GABRG2: variants seen among roughly 807,000 people sequenced by gnomAD.
The protein encoded by GABRG2 is gamma-aminobutyric acid type A receptor subunit gamma2.
GABRG2 carries 16 observed loss-of-function variants against 56.4 expected under a neutral mutation model. The observed-to-expected ratio is 0.28, with a 90% confidence interval of 0.19 to 0.43. The LOEUF is 0.43. Ranked by LOEUF, GABRG2 falls within the 20% of genes least tolerant of loss-of-function variation. The probability of loss-of-function intolerance (pLI) is 1.00; values close to 1 mark genes in which losing one functional copy is unlikely to be tolerated. For missense variants in GABRG2, 327 were observed against 582.7 expected, an observed-to-expected ratio of 0.56 and a Z score of 4.52; for synonymous variants, 208 against 205.5, an observed-to-expected ratio of 1.01 and a Z score of -0.10.
At chr5:162,105,829 A>ACACC (rs1337102231) in intron 6 of GABRG2, among the ~76,000 whole-genome samples, 2 of 151,156 alleles carry the variant, frequency 1.3e-5, no homozygotes, top group Non-Finnish European at 3.0e-5. Context: ...ACACACACAC[A>ACACC]CACACACACA....
At chr5:162,097,576 C>T in intron 3 of GABRG2, 62 bp from the exon 4 acceptor site, 1 of 1,213,326 alleles carries the variant, frequency 8.2e-7, no homozygotes, top group Non-Finnish European at 1.2e-6. Context: ...TGAAATATAC[C>T]AATATTTAAA....
intron 1 of GABRG2, among the ~76,000 whole-genome samples, chr5:162,074,803 G>T (rs1194662469): frequency 4.6e-5 from 7 of 152,046 alleles, no homozygotes; most frequent in Non-Finnish European, 1.0e-4. Context: ...GCATTATAGA[G>T]AATACAGGCC....
At chr5:162,085,495 G>A (rs1289502326) in intron 1 of GABRG2, among the ~76,000 whole-genome samples, 1 of 149,184 alleles carries the variant, frequency 6.7e-6, no homozygotes, top group African/African-American at 2.5e-5. Flanking sequence ...CATGACTTTA[G>A]GATTTGTTCT....
At chr5:162,077,676 A>G (rs931147864) in intron 1 of GABRG2, among the ~76,000 whole-genome samples, 2 of 152,184 alleles carry the variant, frequency 1.3e-5, no homozygotes, top group African/African-American at 4.8e-5. Context: ...AAAATAAGAA[A>G]CACGTCTTAT....
chr5:162,073,598 T>A (rs950376139), intron 1 of GABRG2, among the ~76,000 whole-genome samples: 1 of 151,996 alleles, frequency 6.6e-6, no homozygotes, highest in Non-Finnish European at 1.5e-5. Flanking sequence ...TATTTGGATA[T>A]GTATAGTTTT....
intron 1 of GABRG2, among the ~76,000 whole-genome samples, chr5:162,087,454 G>T (rs955449643): frequency 6.6e-6 from 1 of 152,012 alleles, no homozygotes; most frequent in Admixed American, 6.6e-5. Flanking sequence ...CTTTTGGGGG[G>T]CTTTTAGAAA....
intron 6 of GABRG2, among the ~76,000 whole-genome samples, chr5:162,131,696 CATACTAT>C (rs1175865210): frequency 6.6e-6 from 1 of 151,954 alleles, no homozygotes; most frequent in Non-Finnish European, 1.5e-5. Flanking sequence ...TTTTAACATG[CATACTAT>C]CAATCCACAA....
intron 5 of GABRG2, chr5:162,102,792 T>C (rs201683622): frequency 3.0e-6 from 1 of 328,828 alleles, no homozygotes; most frequent in East Asian, 7.7e-5. Flanking sequence ...CTATCATATC[T>C]CTCTCCATCC....
Position 162,148,014 on chromosome 5 carries a change from A to G in GABRG2, c.923-1094A>G, listed in dbSNP as rs539832126. ...GTTCCTATAGCAAGAGCTAGAACCT[A>G]TTTGAATACTGAATCCATTTTGCCT... On this transcript the variant is annotated intron_variant, in intron 7 of 9. Coordinates refer to ENST00000639213, the MANE Select transcript of GABRG2 (RefSeq NM_198904.4). Among the ~76,000 whole-genome samples, 16 of 152,314 alleles carry G rather than the reference A, an allele frequency of 1.1e-4. No homozygotes were observed. In the South Asian group the frequency reaches 2.9e-3, roughly 28 times the overall value.
chr5:162,105,700 GA>G (rs1761764156), intron 6 of GABRG2, among the ~76,000 whole-genome samples: 1 of 151,784 alleles, frequency 6.6e-6, no homozygotes, highest in Non-Finnish European at 1.5e-5. Flanking sequence ...AAACTGCTGG[GA>G]TTACAGGCAA....
rs781551591 is a variant in GABRG2, at chr5:162,097,751, T to C, written c.441T>C (p.Ile147=). The C allele has an allele frequency of 6.2e-7, 1 of 1,613,830 alleles. No homozygotes were observed. Among genetic ancestry groups the C allele is most frequent in the Admixed American group, 1.7e-5 (1 of 59,954 alleles). The change falls in exon 4 of 10, where the codon ATT becomes ATC. Residue 147 remains isoleucine (I), a synonymous_variant. Transcript: ENST00000639213. ...LNSNMVGKIW[I]PDTFFRNSKK... is the part of the protein sequence containing the mutation. ...GCAACATGGTGGGGAAAATCTGGAT[T>C]CCAGACACTTTCTTCAGAAATTCCA...
chr5:162,078,894 CTT>C (rs1412846736), intron 1 of GABRG2, among the ~76,000 whole-genome samples: 1 of 151,602 alleles, frequency 6.6e-6, no homozygotes, highest in Non-Finnish European at 1.5e-5. Context: ...ATAAAAGTAA[CTT>C]TGTCTAGATA....
chr5:162,114,398 ATAT>A (rs1249107244), intron 6 of GABRG2, among the ~76,000 whole-genome samples: 1 of 152,118 alleles, frequency 6.6e-6, no homozygotes, highest in Non-Finnish European at 1.5e-5. Flanking sequence ...GAGATGAAAA[ATAT>A]TATTTTATCT....
chr5:162,094,113 G>C lies in GABRG2; in HGVS notation c.259+134G>C, dbSNP rs1395070084. On this transcript the variant is annotated intron_variant, in intron 2 of 9. Coordinates refer to ENST00000639213, the MANE Select transcript of GABRG2 (RefSeq NM_198904.4). The stretch of plus-strand genomic sequence containing the variant: ...CTTTTTTATATGTTGTAAAAGTAGT[G>C]TTTAAATAGCATTCAGGCCTATGAG... 6.2e-6 allele frequency: 6 copies of C among 964,770 alleles called. No individual in the cohort carries two copies. The East Asian group carries it at 1.6e-4, about 25-fold the overall frequency. 59.8% of individuals were successfully genotyped at this position (964,770 alleles called of 1,614,324 possible).
At chr5:162,144,447 T>C (rs978173774) in intron 7 of GABRG2, among the ~76,000 whole-genome samples, 1 of 152,174 alleles carries the variant, frequency 6.6e-6, no homozygotes. Context: ...GAAGAAGGGA[T>C]CAAAGTGAGT....
rs1273156622 is a variant in GABRG2 at position 162,145,550 on chromosome 5, T to C, written c.922+3234T>C. On this transcript the variant is annotated intron_variant, in intron 7 of 9. Transcript: ENST00000639213. ...TCTCACTATTGATGTCATTGCAGTC[T>C]CTTTCCTGTGGCTCCAGGCAGAGCC... Among the ~76,000 whole-genome samples the C allele has an allele frequency of 2.0e-5, 3 of 152,230 alleles. No individual in the cohort carries two copies. The East Asian group carries it at 5.8e-4, about 29-fold the overall frequency.
chr5:162,121,276 A>G (rs1426402867), intron 6 of GABRG2, among the ~76,000 whole-genome samples: 12 of 152,148 alleles, frequency 7.9e-5, no homozygotes, highest in African/African-American at 2.9e-4. Flanking sequence ...TTTAAATATT[A>G]CATAAGGCTA....
Position 162,097,876 on chromosome 5 carries a change from G to T in GABRG2, c.548+18G>T. 1 of 1,584,932 alleles carries T rather than the reference G, an allele frequency of 6.3e-7. No homozygotes were observed. Among genetic ancestry groups the T allele is most frequent in the Non-Finnish European group, 8.7e-7 (1 of 1,154,244 alleles). On this transcript the variant is annotated intron_variant, in intron 4 of 9. Transcript: ENST00000639213. ...ACCCTAAGGTATTCTTTTGCAAAAG[G>T]AAAGGAGTAATTGTTAGGAAGAAAA...
intron 6 of GABRG2, among the ~76,000 whole-genome samples, chr5:162,124,594 G>A (rs1209904666): frequency 1.3e-5 from 2 of 151,662 alleles, no homozygotes; most frequent in East Asian, 3.9e-4. Context: ...CTCCAGGGTG[G>A]AGTTAAAGGA....
Sources: allele counts gnomAD v4.1 joint callset (sites outside exome capture counted in the v4.1 genomes callset), GRCh38; gene constraint gnomAD v4.1.1; transcripts MANE v1.5; gene names NCBI Gene and HGNC (gene_info 2026-07-23, HGNC 2026-07-21).